The following CACNA2D3 variants were observed in gnomAD, a reference collection of about 807,000 sequenced individuals.
The protein encoded by CACNA2D3 is calcium voltage-gated channel auxiliary subunit alpha2delta 3, also known as voltage-dependent calcium channel subunit alpha-2/delta-3.
CACNA2D3 carries 60 observed loss-of-function variants against 160.6 expected under a neutral mutation model. The ratio of observed to expected loss-of-function variants is 0.37; its 90% CI spans 0.30 to 0.46. The LOEUF (loss-of-function observed/expected upper bound fraction) is 0.46. Ranked by LOEUF, CACNA2D3 falls within the 20% of genes least tolerant of loss-of-function variation. The pLI is 1.00. For synonymous variants in CACNA2D3, 558 were observed against 492.9 expected, an observed-to-expected ratio of 1.13 and a Z score of -1.75; for missense variants, 1,205 against 1,365.0, an observed-to-expected ratio of 0.88 and a Z score of 1.85.
chr3:54,278,647 T>C lies in CACNA2D3; in HGVS notation c.205-41795T>C, dbSNP rs56018628. ...GGCACATATATACCATGGAATACTA[T>C]GCAGCCATAAAAAAGAATGAGTTCA... On this transcript the variant is annotated intron_variant, in intron 2 of 37. Coordinates refer to ENST00000474759, the MANE Select transcript of CACNA2D3 (RefSeq NM_018398.3). Among the ~76,000 whole-genome samples the C allele has an allele frequency of 4.3e-3, 653 of 152,332 alleles. 4 individuals carry two copies. Among genetic ancestry groups the C allele is most frequent in the Non-Finnish European group, 7.8e-3 (528 of 68,032 alleles).
Position 54,828,359 on chromosome 3 carries a change from A to G in CACNA2D3, c.1399-8800A>G, listed in dbSNP as rs184611485. On this transcript the variant is annotated intron_variant, in intron 14 of 37. Transcript: ENST00000474759. Reference sequence around the variant, plus strand: ...TGGGCATTCTTGAAATAAGCAGGTTATACCCAAATAAACCAACAAAGCGGT... The same window carrying G: ...TGGGCATTCTTGAAATAAGCAGGTTGTACCCAAATAAACCAACAAAGCGGT... 1.2e-4 allele frequency among the ~76,000 whole-genome samples: 19 copies of G among 152,336 alleles called. No homozygotes were observed. The East Asian group carries it at 3.5e-3, about 28-fold the overall frequency.
chr3:54,461,193 G>T (rs541065482), intron 4 of CACNA2D3, among the ~76,000 whole-genome samples: 2 of 152,190 alleles, frequency 1.3e-5, no homozygotes, highest in South Asian at 2.1e-4. Flanking sequence ...TTTGATTGAG[G>T]ATTTTTGCAT....
intron 4 of CACNA2D3, among the ~76,000 whole-genome samples, chr3:54,417,795 T>A (rs1042345134): frequency 1.5e-5 from 1 of 68,064 alleles, no homozygotes; most frequent in African/African-American, 5.2e-5. Context: ...TCTGTGTGTG[T>A]GGGGGGGGGG....
At chr3:54,240,026 A>G (rs1437714874) in intron 2 of CACNA2D3, among the ~76,000 whole-genome samples, 2 of 152,226 alleles carry the variant, frequency 1.3e-5, no homozygotes, top group Non-Finnish European at 1.5e-5. Context: ...TAAAGTTTGC[A>G]TAGGGAACAG....
chr3:54,534,384 A>G (rs1575508154), intron 5 of CACNA2D3, among the ~76,000 whole-genome samples: 1 of 152,288 alleles, frequency 6.6e-6, no homozygotes, highest in East Asian at 1.9e-4. Flanking sequence ...ACCTTCTGAT[A>G]GAAGAGCTTC....
intron 35 of CACNA2D3, among the ~76,000 whole-genome samples, chr3:55,055,775 T>A (rs1282145965): frequency 6.6e-6 from 1 of 152,144 alleles, no homozygotes; most frequent in East Asian, 1.9e-4. Flanking sequence ...TTGGTTAAAT[T>A]TACTCCTAAG....
chr3:54,322,404 CT>C (rs1704024041), intron 3 of CACNA2D3, among the ~76,000 whole-genome samples: 1 of 152,254 alleles, frequency 6.6e-6, no homozygotes, highest in South Asian at 2.1e-4. Context: ...GCACCAGCCC[CT>C]GTGCTAATCA....
chr3:54,947,596 G>A (rs1471794364), intron 27 of CACNA2D3, among the ~76,000 whole-genome samples: 2 of 152,212 alleles, frequency 1.3e-5, no homozygotes, highest in East Asian at 1.9e-4. Flanking sequence ...GATGCCCTGG[G>A]AATAGGCCTG....
At chr3:54,701,119 C>A (rs1700760237) in intron 11 of CACNA2D3, among the ~76,000 whole-genome samples, 2 of 152,170 alleles carry the variant, frequency 1.3e-5, no homozygotes, top group African/African-American at 2.4e-5. Context: ...CTAAAAGAAA[C>A]CAATTTGGCC....
intron 11 of CACNA2D3, among the ~76,000 whole-genome samples, chr3:54,669,981 T>C (rs951699483): frequency 6.6e-6 from 1 of 152,116 alleles, no homozygotes; most frequent in Non-Finnish European, 1.5e-5. Flanking sequence ...ATGCAAAATG[T>C]GTTTTCCATT....
rs1041116588 is a variant in CACNA2D3 at position 54,585,618 on chromosome 3, G to A, written c.963+3741G>A. On this transcript the variant is annotated intron_variant, in intron 9 of 37. Coordinates refer to ENST00000474759, the MANE Select transcript of CACNA2D3 (RefSeq NM_018398.3). ...GGGAGGCCTCACAATCATGGCAGAA[G>A]GCAAGGAAAGAGCAAAGGCACATCT... Among the ~76,000 whole-genome samples, 7 of 136,616 alleles carry A rather than the reference G, an allele frequency of 5.1e-5. No individual in the cohort carries two copies. The Admixed American group carries it at 5.7e-4, about 11-fold the overall frequency. The allele number at this position is 136,616 out of a possible 152,430, so 89.6% of individuals were successfully genotyped here.
chr3:54,726,082 T>C (rs1167408523), intron 11 of CACNA2D3, among the ~76,000 whole-genome samples: 1 of 152,162 alleles, frequency 6.6e-6, no homozygotes, highest in African/African-American at 2.4e-5. Flanking sequence ...ACAAAATCAA[T>C]GTGCAGAAAT....
At chr3:54,260,329 A>C (rs1271419936) in intron 2 of CACNA2D3, among the ~76,000 whole-genome samples, 1 of 152,212 alleles carries the variant, frequency 6.6e-6, no homozygotes, top group Non-Finnish European at 1.5e-5. Flanking sequence ...CGGGCAATTT[A>C]TAAAGAAAAT....
At chr3:54,652,104 A>G (rs1699776482) in intron 11 of CACNA2D3, among the ~76,000 whole-genome samples, 1 of 152,202 alleles carries the variant, frequency 6.6e-6, no homozygotes, top group South Asian at 2.1e-4. Context: ...CTGTGCCCAG[A>G]GAAGCCTCAC....
chr3:54,297,481 A>T (rs961864998), intron 2 of CACNA2D3, among the ~76,000 whole-genome samples: 2 of 152,164 alleles, frequency 1.3e-5, no homozygotes, highest in African/African-American at 4.8e-5. Context: ...GGGGCCATAA[A>T]TTACAGAGAA....
chr3:54,766,113 G>A (rs1416543309), intron 13 of CACNA2D3, among the ~76,000 whole-genome samples: 1 of 151,938 alleles, frequency 6.6e-6, no homozygotes, highest in Admixed American at 6.6e-5. Flanking sequence ...AGATAAATAA[G>A]TTTGACTACA....
chr3:55,072,443 C>G (rs1318157685), intron 35 of CACNA2D3, among the ~76,000 whole-genome samples: 1 of 152,146 alleles, frequency 6.6e-6, no homozygotes, highest in East Asian at 1.9e-4. Flanking sequence ...TTCTTCATTG[C>G]ATGATTTTAG....
intron 13 of CACNA2D3, among the ~76,000 whole-genome samples, chr3:54,784,412 C>T (rs890345755): frequency 2.6e-5 from 4 of 151,858 alleles, no homozygotes; most frequent in African/African-American, 4.8e-5. Flanking sequence ...AGATGGGGGC[C>T]GGAAGGAGAA....
intron 14 of CACNA2D3, among the ~76,000 whole-genome samples, chr3:54,818,505 C>T (rs1703512840): frequency 6.6e-6 from 1 of 152,184 alleles, no homozygotes; most frequent in Admixed American, 6.5e-5. Flanking sequence ...AAGTTCAAAA[C>T]AAAGCAACAC....
Sources: allele counts gnomAD v4.1 joint callset (sites outside exome capture counted in the v4.1 genomes callset), GRCh38; gene constraint gnomAD v4.1.1; transcripts MANE v1.5; gene names NCBI Gene and HGNC (gene_info 2026-07-23, HGNC 2026-07-21).